SLCO4A1: variants seen among roughly 807,000 people sequenced by gnomAD.
SLCO4A1 encodes solute carrier organic anion transporter family member 4A1.
In SLCO4A1, 51 loss-of-function variants were observed where a neutral mutation model predicts 64.6. That is an observed-to-expected ratio of 0.79 (90% CI 0.63 to 1.00). SLCO4A1 has a LOEUF of 1.00. Among genes scored for constraint, SLCO4A1 ranks in the 50% least tolerant of loss-of-function variants. The probability of loss-of-function intolerance (pLI) is 0.00; values close to 1 mark genes in which losing one functional copy is unlikely to be tolerated. For missense variants in SLCO4A1, 919 were observed against 980.5 expected (o/e 0.94, Z 0.84); for synonymous variants, 471 against 444.9 (o/e 1.06, Z -0.74).
Position 62,661,092 on chromosome 20 carries a change from G to A in SLCO4A1, c.1038G>A (p.Ala346=), listed in dbSNP as rs149178040. Reference sequence around the variant, plus strand: ...CCCAGCGCTACGCGGTCATGAGAGCGGCGGAAATGCACCAGTTGAAGGACA... The same window carrying A: ...CCCAGCGCTACGCGGTCATGAGAGCAGCGGAAATGCACCAGTTGAAGGACA... ...PGSQRYAVMR[A]AEMHQLKDSS... The change falls in exon 5 of 12, where the codon GCG becomes GCA. Residue 346 remains alanine (A), a synonymous_variant. Transcript: ENST00000217159. The surrounding 1 kb of genome is among the most constrained non-coding windows in gnomAD (Gnocchi z 5.2). 2,302 of 1,480,118 alleles carry A rather than the reference G, an allele frequency of 1.6e-3. 34 individuals are homozygous for A. In the African/African-American group the frequency reaches 0.026, roughly 17 times the overall value. 91.7% of individuals were successfully genotyped at this position (1,480,118 alleles called of 1,614,324 possible).
downstream of SLCO4A1, among the ~76,000 whole-genome samples, chr20:62,685,991 G>C (rs1988046680): frequency 2.0e-5 from 3 of 152,306 alleles, no homozygotes; most frequent in South Asian, 6.2e-4. The surrounding 1 kb of genome is among the most constrained non-coding windows in gnomAD (Gnocchi z 4.6). Context: ...ATACCATGAT[G>C]AGAGCCGCTG....
At chr20:62,667,511 G>T (rs556844737) in intron 7 of SLCO4A1, 27 of 536,304 alleles carry the variant, frequency 5.0e-5, no homozygotes, top group South Asian at 4.5e-4. Context: ...TCAGGCGGAC[G>T]GTGCTGGGGG....
In SLCO4A1 at chr20:62,669,871, G is replaced by A. The variant is rs1986986312; in HGVS notation, c.2025+793G>A. 2 of 152,188 alleles carry A rather than the reference G, an allele frequency of 1.3e-5. 1 individual carries two copies. Among genetic ancestry groups the A allele is most frequent in the South Asian group, 4.1e-4 (2 of 4,830 alleles). The allele number at this position is 152,188 out of a possible 1,614,324, so 9.4% of individuals were successfully genotyped here. A position where few individuals can be genotyped will look rare whatever the true frequency, so the allele number is the denominator to read the frequency against. ...AAGAGGCGAGTCTGAGCAGGGCCTT[G>A]TGTGGCTCTGGAGAGAAGCAGTGGG... On this transcript the variant is annotated intron_variant, in intron 11 of 11. Transcript: ENST00000217159.
At chr20:62,675,795 A>G (rs1244956873), downstream of SLCO4A1, among the ~76,000 whole-genome samples, 21 of 152,272 alleles carry the variant, frequency 1.4e-4, no homozygotes, top group East Asian at 3.3e-3. Flanking sequence ...TGGGTCCTGG[A>G]TGCCTCCCAC....
At chr20:62,653,264 C>A (rs979709918) in intron 1 of SLCO4A1, among the ~76,000 whole-genome samples, 25 of 152,094 alleles carry the variant, frequency 1.6e-4, no homozygotes, top group African/African-American at 6.0e-4. Context: ...ACCCAGAGCC[C>A]AGCTTTGGGG....
chr20:62,689,536 G>A (rs139510850), downstream of SLCO4A1, among the ~76,000 whole-genome samples: 7 of 152,334 alleles, frequency 4.6e-5, no homozygotes, highest in South Asian at 2.1e-4. Context: ...AGGTCCCTAC[G>A]GGGGACGTGG....
chr20:62,664,591 C>A (rs754667627), intron 5 of SLCO4A1, among the ~76,000 whole-genome samples: 4 of 152,192 alleles, frequency 2.6e-5, no homozygotes, highest in Non-Finnish European at 5.9e-5. Flanking sequence ...TAAGGTTTTT[C>A]CCTAATCAGG....
chr20:62,650,197 A>C (rs1982207763), intron 1 of SLCO4A1: 1 of 152,272 alleles, frequency 6.6e-6, no homozygotes, highest in African/African-American at 2.4e-5. Flanking sequence ...GTCAAAACCA[A>C]TTCCAAGTGG....
chr20:62,668,868 C>T, intron 10 of SLCO4A1, 62 bp from the exon 11 acceptor site: 1 of 1,537,398 alleles, frequency 6.5e-7, no homozygotes, highest in Non-Finnish European at 8.8e-7. Context: ...TCTTGGCTGC[C>T]TGCCCCCTGC....
intron 1 of SLCO4A1, among the ~76,000 whole-genome samples, chr20:62,655,150 C>T (rs969586235): frequency 6.6e-6 from 1 of 152,200 alleles, no homozygotes; most frequent in African/African-American, 2.4e-5. Flanking sequence ...CAGGAGGTGC[C>T]CCAGATGGCA....
chr20:62,681,818 C>T (rs1987845730), intron 2 of SLCO4A1, among the ~76,000 whole-genome samples: 1 of 151,952 alleles, frequency 6.6e-6, no homozygotes, highest in South Asian at 2.1e-4. Flanking sequence ...TTCAGAAGGT[C>T]TCACTGAAAA....
chr20:62,675,601 C>T (rs1987552996), downstream of SLCO4A1, among the ~76,000 whole-genome samples: 1 of 152,212 alleles, frequency 6.6e-6, no homozygotes, highest in East Asian at 1.9e-4. Flanking sequence ...GCCCCAGCCC[C>T]CCAGGCCTGA....
Position 62,685,774 on chromosome 20 carries a change from G to T in SLCO4A1, n.545G>T, listed in dbSNP as rs1391734496. 1.3e-5 allele frequency: 2 copies of T among 152,176 alleles called. No individual in the cohort carries two copies. The highest frequency in any genetic ancestry group is 2.9e-5 in the Non-Finnish European group (2 of 68,028). 9.4% of individuals were successfully genotyped at this position (152,176 alleles called of 1,614,324 possible). Reference sequence around the variant, plus strand: ...TGCGCCCGTTCTAAGGAAATAAAGGGTTCTGCCCTCCTAAGAATTCTGCCC... The same window carrying T: ...TGCGCCCGTTCTAAGGAAATAAAGGTTTCTGCCCTCCTAAGAATTCTGCCC... On this transcript the variant is annotated non_coding_transcript_exon_variant, in exon 3 of 3. Transcript: ENST00000466818. The surrounding 1 kb of genome is among the most constrained non-coding windows in gnomAD (Gnocchi z 4.6).
At chr20:62,683,371 C>T (rs1002499060) in intron 2 of SLCO4A1, among the ~76,000 whole-genome samples, 1 of 152,064 alleles carries the variant, frequency 6.6e-6, no homozygotes, top group Non-Finnish European at 1.5e-5. Context: ...GTGGCGAGGA[C>T]GGGCTTTTCC....
chr20:62,642,816 A>C (rs1275560655), intron 1 of SLCO4A1, among the ~76,000 whole-genome samples: 1 of 152,050 alleles, frequency 6.6e-6, no homozygotes, highest in African/African-American at 2.4e-5. Context: ...AGGAGGACCG[A>C]GGCGAAGGGG....
chr20:62,678,115 C>T (rs1284945013), intron 2 of SLCO4A1, among the ~76,000 whole-genome samples: 4 of 152,208 alleles, frequency 2.6e-5, no homozygotes, highest in South Asian at 2.1e-4. Flanking sequence ...GGTTATGCAG[C>T]GCTGTGGCCT....
Position 62,669,046 on chromosome 20 carries a change from C to T in SLCO4A1, c.1993C>T (p.Arg665Cys), listed in dbSNP as rs764757926. 11 of 1,611,370 alleles carry T rather than the reference C, an allele frequency of 6.8e-6. No homozygotes were observed. The highest frequency in any genetic ancestry group is 6.6e-5 in the South Asian group (6 of 91,086). The change falls in exon 11 of 12, where the codon CGC becomes TGC. Residue 665 changes from arginine (R) to cysteine (C), a missense_variant. Arg to Cys is a radical substitution (Grantham distance 180). Transcript: ENST00000217159. The part of the protein sequence containing the change: ...CLVYQNSAMS[R>C]YILIMGLLYK... ...GGTGTACCAGAATTCGGCCATGAGCCGCTACATACTCATCATGGGGCTCCT... is the reference window on the plus strand; with the variant it reads ...GGTGTACCAGAATTCGGCCATGAGCTGCTACATACTCATCATGGGGCTCCT...
downstream of SLCO4A1, among the ~76,000 whole-genome samples, chr20:62,674,069 G>C (rs953709964): frequency 2.2e-4 from 34 of 152,194 alleles, no homozygotes; most frequent in African/African-American, 7.5e-4. Flanking sequence ...AGGGTGGAAG[G>C]TGCCAGCCAT....
downstream of SLCO4A1, among the ~76,000 whole-genome samples, chr20:62,687,222 G>T (rs1326143444): frequency 2.0e-5 from 3 of 152,216 alleles, no homozygotes; most frequent in East Asian, 5.8e-4. Flanking sequence ...AGGAGCGGGG[G>T]CCTCTGAAGG....
Sources: gnomAD v4.1 joint callset for allele counts (sites outside exome capture counted in the v4.1 genomes callset) on GRCh38, gnomAD v4.1.1 for gene constraint, Gnocchi (gnomAD v3.1) non-coding constraint, MANE v1.5 for transcripts, NCBI Gene and HGNC (gene_info 2026-07-23, HGNC 2026-07-21) for gene names.